Variants in NPAS3 observed in about 807,000 individuals in gnomAD.
The protein encoded by NPAS3 is neuronal PAS domain-containing protein 3.
Under a neutral mutation model 73.1 loss-of-function variants are expected in NPAS3, and 14 were observed. The ratio of observed to expected loss-of-function variants is 0.19; its 90% confidence interval spans 0.13 to 0.30. The LOEUF is 0.30. Ranked by LOEUF, NPAS3 falls within the 10% of genes least tolerant of loss-of-function variation. NPAS3 has a pLI of 1.00. For synonymous variants in NPAS3, 620 were observed against 541.5 expected (o/e 1.14, Z -2.01); for missense variants, 1,096 against 1,250.0 (o/e 0.88, Z 1.86).
chr14:33,650,730 G>A (rs1432973082), intron 5 of NPAS3, among the ~76,000 whole-genome samples: 2 of 148,630 alleles, frequency 1.3e-5, no homozygotes, highest in African/African-American at 5.1e-5. Flanking sequence ...CTAAGATGGA[G>A]AAAATCTTTT....
intron 3 of NPAS3, among the ~76,000 whole-genome samples, chr14:33,260,673 A>G (rs2048944145): frequency 6.6e-6 from 1 of 152,152 alleles, no homozygotes; most frequent in South Asian, 2.1e-4. Flanking sequence ...TTTCTCACCG[A>G]TAACAGTTTT....
At chr14:33,408,286 T>G (rs920344454) in intron 4 of NPAS3, among the ~76,000 whole-genome samples, 19 of 152,128 alleles carry the variant, frequency 1.2e-4, no homozygotes, top group Non-Finnish European at 2.5e-4. Context: ...TCCTTTCCAG[T>G]CAGCAAGCCC....
intron 1 of NPAS3, among the ~76,000 whole-genome samples, chr14:32,975,762 A>AAAC (rs1460318450): frequency 2.6e-5 from 4 of 152,148 alleles, no homozygotes; most frequent in Non-Finnish European, 2.9e-5. Context: ...AAACAAAACA[A>AAAC]AACAACAGCA....
chr14:33,237,282 C>A (rs1464170564), intron 3 of NPAS3, among the ~76,000 whole-genome samples: 6 of 152,052 alleles, frequency 3.9e-5, no homozygotes, highest in Non-Finnish European at 7.4e-5. Context: ...CTCATGTTTT[C>A]TCCTACTTTG....
intron 2 of NPAS3, among the ~76,000 whole-genome samples, chr14:33,211,032 A>T (rs1354579841): frequency 6.6e-6 from 1 of 152,188 alleles, no homozygotes; most frequent in Admixed American, 6.5e-5. Context: ...ATGTGAAGTG[A>T]GCTTAGGTTT....
chr14:33,311,184 C>T (rs984660948), intron 3 of NPAS3, among the ~76,000 whole-genome samples: 1 of 151,998 alleles, frequency 6.6e-6, no homozygotes, highest in African/African-American at 2.4e-5. Context: ...GGATGTTTGT[C>T]GTCCTGTCTC....
In NPAS3 at chr14:33,086,301, G is replaced by A. The variant is rs537977061; in HGVS notation, c.140+30307G>A. Reference sequence around the variant, plus strand: ...GTTGTTTTCCATATATTCTTGTTTTGGTTTAATGTTTGGTATATTCTTGTT... The same window carrying A: ...GTTGTTTTCCATATATTCTTGTTTTAGTTTAATGTTTGGTATATTCTTGTT... On this transcript the variant is annotated intron_variant, in intron 2 of 11. Transcript: ENST00000356141. 6.6e-5 allele frequency among the ~76,000 whole-genome samples: 10 copies of A among 151,872 alleles called. No homozygotes were observed. In the South Asian group the frequency reaches 1.7e-3, roughly 25 times the overall value.
chr14:33,549,819 T>G (rs181063561), intron 4 of NPAS3, among the ~76,000 whole-genome samples: 1 of 152,216 alleles, frequency 6.6e-6, no homozygotes, highest in African/African-American at 2.4e-5. Context: ...TTAAAACTCA[T>G]TGAGATTTCG....
chr14:33,240,676 G>A (rs146211109), intron 3 of NPAS3, among the ~76,000 whole-genome samples: 149 of 151,828 alleles, frequency 9.8e-4, no homozygotes, highest in Middle Eastern at 3.4e-3. Flanking sequence ...AGACCACATC[G>A]CTCCCTTTCA....
intron 4 of NPAS3, among the ~76,000 whole-genome samples, chr14:33,459,541 T>C (rs1403829554): frequency 3.3e-5 from 5 of 152,188 alleles, no homozygotes; most frequent in African/African-American, 1.2e-4. Flanking sequence ...CTCAAAGTCA[T>C]TTGGTCAGGC....
intron 2 of NPAS3, among the ~76,000 whole-genome samples, chr14:33,065,996 A>AC (rs2041264763): frequency 6.6e-6 from 1 of 152,136 alleles, no homozygotes; most frequent in South Asian, 2.1e-4. Context: ...TTGGGCACAA[A>AC]GCATCCTGTC....
intron 2 of NPAS3, among the ~76,000 whole-genome samples, chr14:33,065,146 A>G (rs1370906448): frequency 6.6e-6 from 1 of 152,210 alleles, no homozygotes; most frequent in Non-Finnish European, 1.5e-5. Context: ...TTCAGCAGAC[A>G]AATCTTTCCG....
chr14:33,201,118 G>C (rs1408862407), intron 2 of NPAS3, among the ~76,000 whole-genome samples: 1 of 152,190 alleles, frequency 6.6e-6, no homozygotes. Context: ...AAGAAAATGA[G>C]AGAGAAAGAC....
intron 9 of NPAS3, among the ~76,000 whole-genome samples, chr14:33,793,162 G>A (rs2063411266): frequency 6.6e-6 from 1 of 152,196 alleles, no homozygotes; most frequent in African/African-American, 2.4e-5. Context: ...ATTACTGATT[G>A]TTTTTACTTG....
At position 33,750,544 on chromosome 14, in the gene NPAS3, GT is replaced by G. The variant is rs527460052; in HGVS notation, c.852+15218del. Among the ~76,000 whole-genome samples, 416 of 152,248 alleles carry G rather than the reference GT, an allele frequency of 2.7e-3. 2 individuals carry two copies. Among genetic ancestry groups the G allele is most frequent in the Non-Finnish European group, 5.2e-3 (351 of 67,994 alleles). The stretch of plus-strand genomic sequence containing the variant: ...TTTGTTTACATCTACATAGTGGAAA[GT>G]TTTTTGAAAACATGCTTTCTCAGTT... On this transcript the variant is annotated intron_variant, in intron 7 of 11. Transcript: ENST00000356141.
intron 5 of NPAS3, among the ~76,000 whole-genome samples, chr14:33,562,230 A>C (rs2055685165): frequency 6.6e-6 from 1 of 152,248 alleles, no homozygotes; most frequent in South Asian, 2.1e-4. Flanking sequence ...ATTAAGTAAA[A>C]TCTGAGACAA....
chr14:33,633,674 G>T (rs1041398799), intron 5 of NPAS3, among the ~76,000 whole-genome samples: 1 of 152,124 alleles, frequency 6.6e-6, no homozygotes, highest in Non-Finnish European at 1.5e-5. Context: ...TCCTACAAGT[G>T]GTCCATTGTT....
chr14:33,610,402 C>A (rs1393235732), intron 5 of NPAS3, among the ~76,000 whole-genome samples: 1 of 152,126 alleles, frequency 6.6e-6, no homozygotes, highest in Non-Finnish European at 1.5e-5. Context: ...AACTACCCTG[C>A]ACAAGCTTAC....
chr14:33,036,650 A>G (rs1161615442), intron 1 of NPAS3, among the ~76,000 whole-genome samples: 1 of 152,208 alleles, frequency 6.6e-6, no homozygotes, highest in African/African-American at 2.4e-5. Context: ...CTCTCTGTCT[A>G]GTAAGTTTAT....
Sources: allele counts gnomAD v4.1 joint callset (sites outside exome capture counted in the v4.1 genomes callset), GRCh38; gene constraint gnomAD v4.1.1; transcripts MANE v1.5; gene names NCBI Gene and HGNC (gene_info 2026-07-23, HGNC 2026-07-21).